Variants in DAB1 observed in about 807,000 individuals in gnomAD.
DAB1 encodes DAB adaptor protein 1, also known as disabled homolog 1.
A neutral mutation model predicts 64.6 loss-of-function variants in DAB1; 15 were observed. The ratio of observed to expected loss-of-function variants is 0.23; its 90% CI spans 0.16 to 0.36. The LOEUF is 0.36. Ranked by LOEUF, DAB1 falls within the 10% of genes least tolerant of loss-of-function variation. The probability of loss-of-function intolerance (pLI) is 1.00; values close to 1 mark genes in which losing one functional copy is unlikely to be tolerated. For synonymous variants in DAB1, 235 were observed against 251.9 expected, an observed-to-expected ratio of 0.93 and a Z score of 0.64; for missense variants, 596 against 706.7, an observed-to-expected ratio of 0.84 and a Z score of 1.78.
chr1:57,271,281 TG>T lies in DAB1; in HGVS notation c.67+19682del, dbSNP rs1023638826. Among the ~76,000 whole-genome samples the T allele has an allele frequency of 1.1e-4, 16 of 152,270 alleles. 1 individual carries two copies. Among genetic ancestry groups the T allele is most frequent in the African/African-American group, 3.6e-4 (15 of 41,566 alleles). ...TTAAGATTCAAAATCTAAAGGAGTT[TG>T]GGATCAAAGAAACAGAACATGACTG... On this transcript the variant is annotated intron_variant, in intron 2 of 14. Coordinates refer to ENST00000371236, the MANE Select transcript of DAB1 (RefSeq NM_001365792.1).
At chr1:57,992,685 C>T (rs1002774571) in intron 5 of DAB1, among the ~76,000 whole-genome samples, 1 of 152,046 alleles carries the variant, frequency 6.6e-6, no homozygotes, top group Non-Finnish European at 1.5e-5. Flanking sequence ...TTGTATTAAC[C>T]TTATAATAAG....
At chr1:57,231,305 G>T (rs1667657345) in intron 2 of DAB1, among the ~76,000 whole-genome samples, 1 of 152,076 alleles carries the variant, frequency 6.6e-6, no homozygotes, top group African/African-American at 2.4e-5. Flanking sequence ...CTTCTTCTGG[G>T]TATCCATAGT....
intron 2 of DAB1, among the ~76,000 whole-genome samples, chr1:57,266,743 T>G (rs1020590234): frequency 2.0e-5 from 3 of 152,218 alleles, no homozygotes; most frequent in African/African-American, 4.8e-5. Flanking sequence ...AATGGATATA[T>G]GATCAAAGAA....
At chr1:58,302,698 A>C (rs1463667218) in intron 4 of DAB1, among the ~76,000 whole-genome samples, 1 of 152,152 alleles carries the variant, frequency 6.6e-6, no homozygotes, top group South Asian at 2.1e-4. Flanking sequence ...AAGTGAGACT[A>C]TAATAATAAA....
chr1:57,045,199 G>C (rs1648308873), intron 9 of DAB1, among the ~76,000 whole-genome samples: 1 of 152,194 alleles, frequency 6.6e-6, no homozygotes, highest in African/African-American at 2.4e-5. Context: ...GTTCTGGAAA[G>C]GGCAGCCATG....
chr1:58,414,038 T>C (rs1013508992), intron 3 of DAB1, among the ~76,000 whole-genome samples: 2 of 152,214 alleles, frequency 1.3e-5, no homozygotes, highest in Non-Finnish European at 2.9e-5. Context: ...TATAGGCAAT[T>C]GTAATACAGT....
chr1:57,203,223 C>T (rs1294317354), intron 2 of DAB1, among the ~76,000 whole-genome samples: 1 of 152,188 alleles, frequency 6.6e-6, no homozygotes, highest in Non-Finnish European at 1.5e-5. Context: ...ACAGAAAGAT[C>T]CCTCATTCTT....
At chr1:58,352,670 G>A (rs1644069728) in intron 3 of DAB1, among the ~76,000 whole-genome samples, 1 of 152,090 alleles carries the variant, frequency 6.6e-6, no homozygotes, top group Non-Finnish European at 1.5e-5. Context: ...TTCACACTGT[G>A]GTCTACTGCT....
At chr1:57,658,310 T>TTA (rs1646342087) in intron 6 of DAB1, among the ~76,000 whole-genome samples, 1 of 149,806 alleles carries the variant, frequency 6.7e-6, no homozygotes, top group African/African-American at 2.4e-5. Context: ...TTTGTTCTTT[T>TTA]TTTTTTTTTT....
intron 1 of DAB1, among the ~76,000 whole-genome samples, chr1:57,877,097 A>G (rs1412359563): frequency 6.6e-6 from 1 of 151,968 alleles, no homozygotes; most frequent in Non-Finnish European, 1.5e-5. Flanking sequence ...TGAAAATATG[A>G]TTACATTTAG....
At chr1:57,642,015 C>G (rs987720065) in intron 7 of DAB1, among the ~76,000 whole-genome samples, 2 of 152,190 alleles carry the variant, frequency 1.3e-5, no homozygotes, top group African/African-American at 4.8e-5. Flanking sequence ...TCTTCTGCCT[C>G]TTTACTTACA....
chr1:57,046,544 A>C (rs1227370188), intron 9 of DAB1, among the ~76,000 whole-genome samples: 1 of 152,224 alleles, frequency 6.6e-6, no homozygotes, highest in East Asian at 1.9e-4. Context: ...TACTGTACTA[A>C]GAGAGAATGA....
intron 7 of DAB1, among the ~76,000 whole-genome samples, chr1:57,447,464 G>T (rs1686185048): frequency 6.6e-6 from 1 of 152,090 alleles, no homozygotes; most frequent in Non-Finnish European, 1.5e-5. Flanking sequence ...TAGAAACATG[G>T]TACCTTTATT....
chr1:57,737,689 T>A (rs564598832), intron 6 of DAB1, among the ~76,000 whole-genome samples: 1 of 152,312 alleles, frequency 6.6e-6, no homozygotes, highest in South Asian at 2.1e-4. Context: ...ATCCCCTTGA[T>A]GCTTTTTTAA....
At chr1:57,951,320 A>ATATATATATATG (rs1645272762) in intron 5 of DAB1, among the ~76,000 whole-genome samples, 1 of 123,320 alleles carries the variant, frequency 8.1e-6, no homozygotes, top group African/African-American at 2.8e-5. Flanking sequence ...CCTGATTCAT[A>ATATATATATATG]TATATATATA....
At chr1:58,300,665 G>A (rs934574099) in intron 4 of DAB1, among the ~76,000 whole-genome samples, 6 of 124,984 alleles carry the variant, frequency 4.8e-5, no homozygotes, top group African/African-American at 1.0e-4. Flanking sequence ...AGGAAGGAAG[G>A]AAGGAAGGAA....
chr1:58,381,714 T>A (rs971110535), intron 3 of DAB1, among the ~76,000 whole-genome samples: 1 of 152,130 alleles, frequency 6.6e-6, no homozygotes, highest in Non-Finnish European at 1.5e-5. Context: ...GGAGGTGGAG[T>A]ATTGCAGCTC....
intron 1 of DAB1, among the ~76,000 whole-genome samples, chr1:57,409,379 T>C (rs1285355142): frequency 6.6e-6 from 1 of 152,246 alleles, no homozygotes; most frequent in Non-Finnish European, 1.5e-5. Flanking sequence ...GGGCATGTCA[T>C]TAAAAGTATG....
intron 7 of DAB1, among the ~76,000 whole-genome samples, chr1:57,471,329 TA>T (rs1257939252): frequency 6.6e-6 from 1 of 152,192 alleles, no homozygotes; most frequent in African/African-American, 2.4e-5. Context: ...CACTCTGTGT[TA>T]TTTTTTTTAA....
Sources: allele counts gnomAD v4.1 joint callset (sites outside exome capture counted in the v4.1 genomes callset), GRCh38; gene constraint gnomAD v4.1.1; transcripts MANE v1.5; gene names NCBI Gene and HGNC (gene_info 2026-07-23, HGNC 2026-07-21).